RBMS3: variants seen among roughly 807,000 people sequenced by gnomAD.
The protein encoded by RBMS3 is RNA binding motif single stranded interacting protein 3, also known as RNA-binding motif, single-stranded-interacting protein 3.
Under a neutral mutation model 66.8 loss-of-function variants are expected in RBMS3, and 27 were observed. That is an observed-to-expected ratio of 0.40 (90% CI 0.30 to 0.56). The LOEUF is 0.56. Among genes scored for constraint, RBMS3 ranks in the 20% least tolerant of loss-of-function variants. The pLI is 0.40. For missense variants in RBMS3, 513 were observed against 549.5 expected, an observed-to-expected ratio of 0.93 and a Z score of 0.66; for synonymous variants, 188 against 183.0, an observed-to-expected ratio of 1.03 and a Z score of -0.22.
intron 13 of RBMS3, among the ~76,000 whole-genome samples, chr3:29,989,802 G>C (rs557181549): frequency 6.6e-6 from 1 of 152,092 alleles, no homozygotes; most frequent in Admixed American, 6.5e-5. Flanking sequence ...ATGTTCTTTG[G>C]TATATTTAGC....
At chr3:29,505,733 G>A (rs888880090) in intron 3 of RBMS3, among the ~76,000 whole-genome samples, 1 of 151,340 alleles carries the variant, frequency 6.6e-6, no homozygotes. Context: ...CCATTTATTT[G>A]TGTATTCTTC....
chr3:29,766,099 A>G (rs941443194), intron 6 of RBMS3: 1 of 152,004 alleles, frequency 6.6e-6, no homozygotes, highest in Non-Finnish European at 1.5e-5. Context: ...TACATTTAAT[A>G]TAACTCTAAG....
chr3:29,480,335 G>C (rs1403560089), intron 2 of RBMS3, among the ~76,000 whole-genome samples: 4 of 152,282 alleles, frequency 2.6e-5, no homozygotes, highest in Middle Eastern at 3.4e-3. Flanking sequence ...ATTACATTTT[G>C]AGAATTATTA....
intron 6 of RBMS3, among the ~76,000 whole-genome samples, chr3:29,826,419 T>C (rs9837143): frequency 0.5 from 76,610 of 151,998 alleles, 19,706 homozygotes; most frequent in Non-Finnish European, 0.55. Context: ...CTTCTCTTCT[T>C]ATCGCCATCT....
chr3:29,876,414 A>G (rs990344176), intron 7 of RBMS3, among the ~76,000 whole-genome samples: 5 of 152,256 alleles, frequency 3.3e-5, no homozygotes, highest in Non-Finnish European at 7.3e-5. Context: ...TCAAATAAAA[A>G]TTAAAAGTTC....
At chr3:29,443,051 C>T (rs1449017406) in intron 2 of RBMS3, among the ~76,000 whole-genome samples, 1 of 152,086 alleles carries the variant, frequency 6.6e-6, no homozygotes, top group African/African-American at 2.4e-5. Flanking sequence ...ATCCATATCT[C>T]ATTATTCCCT....
intron 1 of RBMS3, among the ~76,000 whole-genome samples, chr3:29,310,518 T>TC (rs398038765): frequency 4.6e-5 from 7 of 151,424 alleles, no homozygotes; most frequent in Non-Finnish European, 8.9e-5. Context: ...TTTTTTTTTT[T>TC]GAAGTTTTGA....
intron 6 of RBMS3, among the ~76,000 whole-genome samples, chr3:29,813,605 C>G (rs2057786622): frequency 6.6e-6 from 1 of 152,060 alleles, no homozygotes; most frequent in Admixed American, 6.6e-5. Context: ...ATTCTTCCTA[C>G]CCATGAGCAT....
At chr3:29,837,687 T>TATAC (rs1468121242) in intron 6 of RBMS3, among the ~76,000 whole-genome samples, 1 of 122,724 alleles carries the variant, frequency 8.1e-6, no homozygotes, top group East Asian at 2.4e-4. Context: ...TATATATATA[T>TATAC]ATATATATAT....
intron 10 of RBMS3, among the ~76,000 whole-genome samples, chr3:29,915,386 G>A (rs75404710): frequency 0.017 from 2,648 of 151,948 alleles, 75 homozygotes; most frequent in African/African-American, 0.061. Flanking sequence ...TACATAGGGG[G>A]ATGTGAGAGC....
At chr3:29,942,525 G>C (rs1394740056) in intron 11 of RBMS3, among the ~76,000 whole-genome samples, 3 of 151,424 alleles carry the variant, frequency 2.0e-5, no homozygotes, top group African/African-American at 7.3e-5. Flanking sequence ...CCTGTCGAAA[G>C]AGAAAGAGAG....
intron 1 of RBMS3, among the ~76,000 whole-genome samples, chr3:29,312,973 C>T (rs1374989167): frequency 6.6e-6 from 1 of 151,712 alleles, no homozygotes; most frequent in Non-Finnish European, 1.5e-5. Flanking sequence ...CATTTCAGGA[C>T]AGAGGCATGG....
chr3:29,792,992 G>A (rs867356558), intron 6 of RBMS3, among the ~76,000 whole-genome samples: 5 of 152,158 alleles, frequency 3.3e-5, no homozygotes, highest in African/African-American at 9.6e-5. Flanking sequence ...TAATCCCAGC[G>A]CTTTGGGAGG....
chr3:29,633,475 A>G (rs1484452539), intron 4 of RBMS3, among the ~76,000 whole-genome samples: 1 of 151,814 alleles, frequency 6.6e-6, no homozygotes, highest in Non-Finnish European at 1.5e-5. Flanking sequence ...TCCAGAGTTA[A>G]TGTTAGTGCT....
intron 4 of RBMS3, among the ~76,000 whole-genome samples, chr3:29,647,549 T>C (rs1190178593): frequency 1.3e-5 from 2 of 152,176 alleles, no homozygotes; most frequent in Non-Finnish European, 2.9e-5. Context: ...TAATTCAGTG[T>C]GGAAACAAAT....
At chr3:29,551,483 T>G (rs1041813948) in intron 3 of RBMS3, among the ~76,000 whole-genome samples, 3 of 152,208 alleles carry the variant, frequency 2.0e-5, no homozygotes, top group Admixed American at 2.0e-4. Context: ...TCTGAAGTTC[T>G]TGGAAGTTTT....
chr3:29,343,597 A>G (rs1401947470), intron 1 of RBMS3, among the ~76,000 whole-genome samples: 1 of 152,196 alleles, frequency 6.6e-6, no homozygotes, highest in African/African-American at 2.4e-5. Context: ...AATGTTCCTA[A>G]CTTCAAAAAT....
chr3:29,706,256 T>C (rs2052887270), intron 4 of RBMS3, among the ~76,000 whole-genome samples: 1 of 152,248 alleles, frequency 6.6e-6, no homozygotes, highest in African/African-American at 2.4e-5. Flanking sequence ...ACTTGCTTTC[T>C]ATAGAGTAAT....
At chr3:29,592,290 G>T (rs570854699) in intron 4 of RBMS3, among the ~76,000 whole-genome samples, 18 of 152,070 alleles carry the variant, frequency 1.2e-4, no homozygotes, top group African/African-American at 4.3e-4. Context: ...GTTAATTAAG[G>T]AAGGGTGTAT....
Sources: gnomAD v4.1 joint callset for allele counts (sites outside exome capture counted in the v4.1 genomes callset) on GRCh38, gnomAD v4.1.1 for gene constraint, MANE v1.5 for transcripts, NCBI Gene and HGNC (gene_info 2026-07-23, HGNC 2026-07-21) for gene names.